CACNA2D1: variants seen among roughly 807,000 people sequenced by gnomAD.
CACNA2D1 encodes calcium voltage-gated channel auxiliary subunit alpha2delta 1.
Under a neutral mutation model 171.5 loss-of-function variants are expected in CACNA2D1, and 53 were observed. The ratio of observed to expected loss-of-function variants is 0.31; its 90% CI spans 0.25 to 0.39. The LOEUF (loss-of-function observed/expected upper bound fraction) is 0.39, where lower values mean the gene tolerates loss of function less well. Ranked by LOEUF, CACNA2D1 falls within the 10% of genes least tolerant of loss-of-function variation. The pLI, the probability that CACNA2D1 is intolerant of heterozygous loss-of-function variation, is 1.00. For missense variants in CACNA2D1, 903 were observed against 1,299.8 expected (o/e 0.69, Z 4.69); for synonymous variants, 442 against 443.1 (o/e 1.00, Z 0.03).
chr7:82,310,597 T>C (rs1173045518), intron 3 of CACNA2D1, among the ~76,000 whole-genome samples: 2 of 152,022 alleles, frequency 1.3e-5, no homozygotes, highest in African/African-American at 2.4e-5. Flanking sequence ...TTTCATATAC[T>C]ATTAATAAGA....
intron 5 of CACNA2D1, among the ~76,000 whole-genome samples, chr7:82,135,172 A>T (rs918209180): frequency 1.3e-5 from 2 of 152,062 alleles, no homozygotes; most frequent in African/African-American, 4.8e-5. Context: ...CATTCACTTT[A>T]TTCTAAGGCT....
rs139684646 is a variant in CACNA2D1, at chr7:81,997,633, T to C, written c.1591-383A>G. On this transcript the variant is annotated intron_variant, in intron 18 of 38. Coordinates refer to ENST00000356860, the MANE Select transcript of CACNA2D1 (RefSeq NM_000722.4). The stretch of plus-strand genomic sequence containing the variant: ...GATGACTTATTTGGTAATAAAACAA[T>C]GGCAACATGTAAGCATACTTTTAAA... 7.7e-3 allele frequency among the ~76,000 whole-genome samples: 1,136 copies of C among 148,220 alleles called. 5 individuals are homozygous for C. The highest frequency in any genetic ancestry group is 0.014 in the Non-Finnish European group (922 of 66,886).
chr7:82,429,718 C>T lies in CACNA2D1; in HGVS notation c.95+13647G>A, dbSNP rs73388038. Among the ~76,000 whole-genome samples the T allele has an allele frequency of 8.6e-3, 1,315 of 152,258 alleles. 19 individuals carry two copies. Among genetic ancestry groups the T allele is most frequent in the Middle Eastern group, 0.031 (9 of 294 alleles). On this transcript the variant is annotated intron_variant, in intron 1 of 38. Coordinates refer to ENST00000356860, the MANE Select transcript of CACNA2D1 (RefSeq NM_000722.4). ...TTCCCCTATGTTTATTCATTACCAT[C>T]GAGCAAAAATATAAATTTTAAACAA...
intron 3 of CACNA2D1, among the ~76,000 whole-genome samples, chr7:82,202,039 C>G (rs558109378): frequency 6.6e-6 from 1 of 152,180 alleles, no homozygotes; most frequent in Non-Finnish European, 1.5e-5. Flanking sequence ...GACATCTGAT[C>G]CAGCAAGACA....
At chr7:82,273,359 A>G (rs1808888838) in intron 3 of CACNA2D1, among the ~76,000 whole-genome samples, 1 of 151,880 alleles carries the variant, frequency 6.6e-6, no homozygotes, top group Non-Finnish European at 1.5e-5. Context: ...GTGGTATTAA[A>G]AACTGGAGTT....
At chr7:82,336,942 G>A (rs1818073423) in intron 2 of CACNA2D1, among the ~76,000 whole-genome samples, 1 of 152,030 alleles carries the variant, frequency 6.6e-6, no homozygotes, top group Admixed American at 6.6e-5. Flanking sequence ...ATAGTTGGTG[G>A]GGATTAGTTC....
intron 3 of CACNA2D1, among the ~76,000 whole-genome samples, chr7:82,289,280 C>T (rs2129392548): frequency 6.6e-6 from 1 of 152,194 alleles, no homozygotes; most frequent in South Asian, 2.1e-4. Flanking sequence ...TTAGTACAAA[C>T]ATCTTTTGAC....
intron 23 of CACNA2D1, among the ~76,000 whole-genome samples, chr7:81,983,053 T>A (rs2130644058): frequency 6.6e-6 from 1 of 152,276 alleles, no homozygotes; most frequent in South Asian, 2.1e-4. Flanking sequence ...ACATTCCTCA[T>A]ATTAGGTATG....
chr7:82,034,453 G>A (rs1338312894), intron 11 of CACNA2D1, among the ~76,000 whole-genome samples: 2 of 151,998 alleles, frequency 1.3e-5, no homozygotes, highest in African/African-American at 4.8e-5. Flanking sequence ...AACATTGGCA[G>A]TAAAAGCTTT....
intron 3 of CACNA2D1, among the ~76,000 whole-genome samples, chr7:82,186,593 A>G (rs1000049712): frequency 1.6e-4 from 24 of 152,176 alleles, no homozygotes; most frequent in African/African-American, 5.3e-4. Context: ...GGGCGTTACC[A>G]TGTATACAGA....
intron 1 of CACNA2D1, among the ~76,000 whole-genome samples, chr7:82,414,697 G>C (rs1828000022): frequency 6.6e-6 from 1 of 152,150 alleles, no homozygotes; most frequent in Admixed American, 6.5e-5. Flanking sequence ...TATGTGTCCA[G>C]AATGTTTATT....
At chr7:82,404,956 T>C (rs1826857318) in intron 1 of CACNA2D1, among the ~76,000 whole-genome samples, 1 of 152,236 alleles carries the variant, frequency 6.6e-6, no homozygotes, top group South Asian at 2.1e-4. Context: ...CTAAAGCATG[T>C]AAGACACTTT....
In CACNA2D1 at chr7:81,948,202, C is replaced by T. The variant is rs374425602; in HGVS notation, c.*2190G>A. On this transcript the variant is annotated 3_prime_UTR_variant, in exon 39 of 39. Transcript: ENST00000356860. ...ATATTTTGATACCCCCTTCCCAACA[C>T]TATCATGATTTAAGATAGTCTAGCA... 5 of 151,974 alleles carry T rather than the reference C, an allele frequency of 3.3e-5. No homozygotes were observed. Among genetic ancestry groups the T allele is most frequent in the African/African-American group, 1.2e-4 (5 of 41,536 alleles). 9.4% of individuals were successfully genotyped at this position (151,974 alleles called of 1,614,324 possible). A position where few individuals can be genotyped will look rare whatever the true frequency, so the allele number is the denominator to read the frequency against.
chr7:81,976,963 G>A (rs552258110), intron 24 of CACNA2D1, among the ~76,000 whole-genome samples: 4 of 152,232 alleles, frequency 2.6e-5, no homozygotes, highest in Admixed American at 6.5e-5. Context: ...AGAGACAATG[G>A]GGTTTTCTAA....
At chr7:82,389,832 C>T (rs188795604) in intron 1 of CACNA2D1, among the ~76,000 whole-genome samples, 20 of 152,246 alleles carry the variant, frequency 1.3e-4, no homozygotes, top group African/African-American at 4.6e-4. Flanking sequence ...TAAACATTCC[C>T]ATAAATAGAT....
chr7:82,157,542 G>C (rs990508648), intron 4 of CACNA2D1, among the ~76,000 whole-genome samples: 3 of 151,994 alleles, frequency 2.0e-5, no homozygotes, highest in African/African-American at 7.2e-5. Flanking sequence ...TGTAAAAATA[G>C]AGACAATTCT....
intron 7 of CACNA2D1, among the ~76,000 whole-genome samples, chr7:82,072,563 T>C (rs1046641342): frequency 2.2e-4 from 33 of 151,472 alleles, no homozygotes; most frequent in African/African-American, 7.0e-4. Context: ...GCTGAATGTC[T>C]AAAGCTTTAT....
At chr7:82,340,395 T>A (rs777279820) in intron 2 of CACNA2D1, among the ~76,000 whole-genome samples, 21 of 151,688 alleles carry the variant, frequency 1.4e-4, no homozygotes, top group Non-Finnish European at 2.7e-4. Context: ...GGTCTTGAAC[T>A]CTCAGGCTTA....
At chr7:82,336,173 T>A (rs1817971441) in intron 2 of CACNA2D1, among the ~76,000 whole-genome samples, 1 of 152,114 alleles carries the variant, frequency 6.6e-6, no homozygotes, top group South Asian at 2.1e-4. Context: ...GAGAAGTGAA[T>A]CCAGGCACAT....
Sources: allele counts gnomAD v4.1 joint callset (sites outside exome capture counted in the v4.1 genomes callset), GRCh38; gene constraint gnomAD v4.1.1; transcripts MANE v1.5; gene names NCBI Gene and HGNC (gene_info 2026-07-23, HGNC 2026-07-21).